Variants in KIAA1328 observed in about 807,000 individuals in gnomAD.
The protein encoded by KIAA1328 is KIAA1328.
In KIAA1328, 52 loss-of-function variants were observed where a neutral mutation model predicts 68.1. That is an observed-to-expected ratio of 0.76 (90% CI 0.61 to 0.96). The LOEUF (loss-of-function observed/expected upper bound fraction) is 0.96. KIAA1328 is among the 40% of genes least tolerant of loss of function. The pLI, the probability that KIAA1328 is intolerant of heterozygous loss-of-function variation, is 0.00. For missense variants in KIAA1328, 641 were observed against 677.6 expected (o/e 0.95, Z 0.60); for synonymous variants, 232 against 239.4 (o/e 0.97, Z 0.28).
chr18:37,081,222 T>C (rs1168525077), intron 7 of KIAA1328, among the ~76,000 whole-genome samples: 2 of 152,086 alleles, frequency 1.3e-5, no homozygotes, highest in Non-Finnish European at 2.9e-5. Context: ...TCTCAAGTGA[T>C]CCACCCTCCT....
At chr18:36,908,434 C>T (rs2049301166) in intron 5 of KIAA1328, among the ~76,000 whole-genome samples, 3 of 152,110 alleles carry the variant, frequency 2.0e-5, no homozygotes, top group African/African-American at 4.8e-5. Context: ...CTAGCTCACT[C>T]GCTCAAGCAA....
intron 1 of KIAA1328, among the ~76,000 whole-genome samples, chr18:36,831,195 A>C (rs1319567143): frequency 6.6e-6 from 1 of 152,234 alleles, no homozygotes; most frequent in East Asian, 1.9e-4. Flanking sequence ...CTATTGAAAA[A>C]AGATTTTCAA....
chr18:36,879,830 G>A (rs1371770583), intron 4 of KIAA1328, among the ~76,000 whole-genome samples: 1 of 152,192 alleles, frequency 6.6e-6, no homozygotes, highest in East Asian at 1.9e-4. Context: ...TTTACACTCT[G>A]AGGAGAAAAT....
intron 6 of KIAA1328, among the ~76,000 whole-genome samples, chr18:36,984,448 A>T (rs2052825256): frequency 6.6e-6 from 1 of 152,220 alleles, no homozygotes; most frequent in Non-Finnish European, 1.5e-5. Flanking sequence ...AATCAGTAGT[A>T]TTTCTGTGTC....
intron 6 of KIAA1328, among the ~76,000 whole-genome samples, chr18:36,981,855 A>G (rs1175523710): frequency 6.6e-6 from 1 of 151,334 alleles, no homozygotes; most frequent in Non-Finnish European, 1.5e-5. Context: ...AGCCTCCAGA[A>G]GTGCTGGGAT....
At chr18:37,109,687 G>A (rs1413825847) in intron 7 of KIAA1328, among the ~76,000 whole-genome samples, 1 of 152,170 alleles carries the variant, frequency 6.6e-6, no homozygotes, top group Non-Finnish European at 1.5e-5. Context: ...TTAATAAATT[G>A]TATAAACATT....
chr18:37,226,134 G>A (rs2060635345), downstream of KIAA1328, among the ~76,000 whole-genome samples: 2 of 152,136 alleles, frequency 1.3e-5, no homozygotes, highest in African/African-American at 4.8e-5. Flanking sequence ...GACTTCTAAA[G>A]GGAGCAGTCT....
chr18:37,136,120 C>T (rs868828843), intron 7 of KIAA1328, among the ~76,000 whole-genome samples: 1 of 152,154 alleles, frequency 6.6e-6, no homozygotes, highest in African/African-American at 2.4e-5. Flanking sequence ...TTGTACCACA[C>T]TTTAAGAACC....
chr18:37,010,317 C>T (rs1435838221), intron 6 of KIAA1328, among the ~76,000 whole-genome samples: 1 of 151,750 alleles, frequency 6.6e-6, no homozygotes, highest in East Asian at 1.9e-4. Flanking sequence ...GTGGCAGGCA[C>T]CTGTAGTCCC....
At position 37,153,512 on chromosome 18, in the gene KIAA1328, G is replaced by A. The variant is rs142538087; in HGVS notation, c.1233-6688G>A. Among the ~76,000 whole-genome samples the A allele has an allele frequency of 1.0e-3, 152 of 151,618 alleles. 1 individual carries two copies. The highest frequency in any genetic ancestry group is 3.5e-3 in the African/African-American group (145 of 41,316). ...ATATTAGTATAAACTCTGTATAAAC[G>A]CATGTTTTTCCCTCTATATATACCT... On this transcript the variant is annotated intron_variant, in intron 7 of 9. Transcript: ENST00000280020.
At chr18:37,174,853 A>G (rs1228154533) in intron 9 of KIAA1328, among the ~76,000 whole-genome samples, 1 of 151,902 alleles carries the variant, frequency 6.6e-6, no homozygotes, top group Non-Finnish European at 1.5e-5. Context: ...TGGTATTTTT[A>G]ATAGGGACAG....
chr18:37,045,743 T>A (rs141430760), intron 6 of KIAA1328, among the ~76,000 whole-genome samples: 1 of 152,300 alleles, frequency 6.6e-6, no homozygotes, highest in Non-Finnish European at 1.5e-5. Flanking sequence ...CATGTACTGT[T>A]TGATGGTTTT....
intron 9 of KIAA1328, among the ~76,000 whole-genome samples, chr18:37,181,987 A>G (rs2059707570): frequency 6.6e-6 from 1 of 152,208 alleles, no homozygotes; most frequent in South Asian, 2.1e-4. Context: ...CTTGGCCCAT[A>G]TGACATAAAT....
At chr18:37,159,218 C>T (rs1363250261) in intron 7 of KIAA1328, among the ~76,000 whole-genome samples, 1 of 152,024 alleles carries the variant, frequency 6.6e-6, no homozygotes, top group Non-Finnish European at 1.5e-5. Flanking sequence ...AAATTCTGAT[C>T]GATATAAACC....
At chr18:36,865,318 A>G (rs2047713432) in intron 4 of KIAA1328, among the ~76,000 whole-genome samples, 2 of 151,762 alleles carry the variant, frequency 1.3e-5, no homozygotes, top group South Asian at 2.1e-4. Flanking sequence ...TTGATCCACA[A>G]TTTTTTAAGA....
intron 7 of KIAA1328, among the ~76,000 whole-genome samples, chr18:37,159,979 CAGTGTAAGCTTTTTGAG>C (rs2154211347): frequency 6.6e-6 from 1 of 152,238 alleles, no homozygotes; most frequent in Admixed American, 6.5e-5. Flanking sequence ...CCCCAACTCC[CAGTGTAAGCTTTTTGAG>C]AATAAAGGCC....
In KIAA1328 at chr18:37,223,614, G is replaced by A. The variant is rs1020298535; in HGVS notation, c.*1387G>A. On this transcript the variant is annotated 3_prime_UTR_variant, in exon 10 of 10. Transcript: ENST00000280020. The stretch of plus-strand genomic sequence containing the variant: ...CCAACTAAACTGGGAGTAAGACTTA[G>A]TCAGTGTTGGTAGACAAAGTCATAC... 4 of 985,234 alleles carry A rather than the reference G, an allele frequency of 4.1e-6. No homozygotes were observed. Among genetic ancestry groups the A allele is most frequent in the Non-Finnish European group, 3.6e-6 (3 of 829,926 alleles). 61.0% of individuals were successfully genotyped at this position (985,234 alleles called of 1,614,324 possible). A position where few individuals can be genotyped will look rare whatever the true frequency, so the allele number is the denominator to read the frequency against.
intron 9 of KIAA1328, among the ~76,000 whole-genome samples, chr18:37,216,133 G>T (rs1415843030): frequency 2.0e-5 from 3 of 152,010 alleles, no homozygotes; most frequent in Non-Finnish European, 4.4e-5. Context: ...GGTTTTTTGT[G>T]TCTCTATCTC....
intron 6 of KIAA1328, among the ~76,000 whole-genome samples, chr18:37,043,426 T>C (rs2055339630): frequency 6.6e-6 from 1 of 152,226 alleles, no homozygotes; most frequent in Non-Finnish European, 1.5e-5. Flanking sequence ...CATTTTGTTG[T>C]TTTAGTGACT....
Sources: allele counts gnomAD v4.1 joint callset (sites outside exome capture counted in the v4.1 genomes callset), GRCh38; gene constraint gnomAD v4.1.1; transcripts MANE v1.5; gene names NCBI Gene and HGNC (gene_info 2026-07-23, HGNC 2026-07-21).